Variants in NEBL observed in about 807,000 individuals in gnomAD.
NEBL encodes LIM and SH3 protein 2.
Under a neutral mutation model 140.2 loss-of-function variants are expected in NEBL, and 122 were observed. The observed-to-expected ratio is 0.87, with a 90% CI of 0.75 to 1.01. NEBL has a LOEUF of 1.01. NEBL is among the 50% of genes least tolerant of loss of function. NEBL has a pLI of 0.00. For synonymous variants in NEBL, 436 were observed against 398.9 expected (o/e 1.09, Z -1.11); for missense variants, 1,365 against 1,231.3 (o/e 1.11, Z -1.62).
chr10:21,083,397 C>T (rs1209096466), intron 2 of NEBL, among the ~76,000 whole-genome samples: 6 of 152,186 alleles, frequency 3.9e-5, no homozygotes, highest in African/African-American at 1.4e-4. Context: ...CAGCACCCCA[C>T]CTCCTTGTAG....
chr10:21,118,958 T>C (rs1227964461), intron 2 of NEBL, among the ~76,000 whole-genome samples: 7 of 152,308 alleles, frequency 4.6e-5, no homozygotes, highest in Non-Finnish European at 8.8e-5. Flanking sequence ...CATACACATC[T>C]TCTCAATCAT....
intron 4 of NEBL, among the ~76,000 whole-genome samples, chr10:20,942,503 G>C (rs561527844): frequency 1.2e-4 from 19 of 152,128 alleles, no homozygotes; most frequent in East Asian, 7.7e-4. Flanking sequence ...AAAACCTAGG[G>C]AATACCATTC....
intron 2 of NEBL, among the ~76,000 whole-genome samples, chr10:21,249,922 G>C (rs1231072382): frequency 3.9e-5 from 6 of 151,952 alleles, no homozygotes; most frequent in African/African-American, 1.2e-4. Flanking sequence ...AAATTGACTG[G>C]GTGTGGTGGT....
chr10:21,128,977 C>A (rs1401596579), intron 2 of NEBL, among the ~76,000 whole-genome samples: 1 of 152,188 alleles, frequency 6.6e-6, no homozygotes, highest in African/African-American at 2.4e-5. Context: ...GAAACAATGA[C>A]AGGTGCACAA....
chr10:20,931,395 T>A (rs1232256704), intron 4 of NEBL, among the ~76,000 whole-genome samples: 1 of 152,168 alleles, frequency 6.6e-6, no homozygotes, highest in African/African-American at 2.4e-5. Flanking sequence ...ATAAATACGT[T>A]TATAAATTAA....
At chr10:21,265,009 A>G (rs1427342117) in intron 1 of NEBL, among the ~76,000 whole-genome samples, 2 of 151,852 alleles carry the variant, frequency 1.3e-5, no homozygotes, top group South Asian at 4.2e-4. Context: ...TGCAACCTCT[A>G]CCTCCTGGGT....
intron 2 of NEBL, among the ~76,000 whole-genome samples, chr10:21,089,518 T>G (rs1836808771): frequency 6.6e-6 from 1 of 151,780 alleles, no homozygotes; most frequent in South Asian, 2.1e-4. Context: ...CGGGTGAGTG[T>G]GGCAAGAGGG....
chr10:21,064,609 AGTG>A (rs1195257808), intron 2 of NEBL, among the ~76,000 whole-genome samples: 1 of 152,226 alleles, frequency 6.6e-6, no homozygotes, highest in African/African-American at 2.4e-5. Flanking sequence ...TCCTTTATTA[AGTG>A]TTGTTGGTGT....
chr10:21,003,971 A>G (rs1001992952), intron 3 of NEBL, among the ~76,000 whole-genome samples: 6 of 152,268 alleles, frequency 3.9e-5, no homozygotes, highest in African/African-American at 1.4e-4. Flanking sequence ...TCAAGAATCC[A>G]TGAATGTATC....
chr10:21,262,811 A>C (rs1170671954), intron 1 of NEBL, among the ~76,000 whole-genome samples: 1 of 152,168 alleles, frequency 6.6e-6, no homozygotes, highest in Non-Finnish European at 1.5e-5. Flanking sequence ...TGGTGGGTGT[A>C]GTGGTTTTCC....
At chr10:20,865,082 A>G (rs1844134558) in intron 7 of NEBL, among the ~76,000 whole-genome samples, 1 of 152,200 alleles carries the variant, frequency 6.6e-6, no homozygotes, top group African/African-American at 2.4e-5. Context: ...TTGAAATGTG[A>G]AAATAAAGCT....
At chr10:21,259,190 C>T (rs1588572261) in intron 1 of NEBL, among the ~76,000 whole-genome samples, 2 of 151,826 alleles carry the variant, frequency 1.3e-5, no homozygotes, top group South Asian at 2.1e-4. Context: ...TAGGTTCAAG[C>T]GATTCTTGTG....
intron 2 of NEBL, among the ~76,000 whole-genome samples, chr10:21,163,467 T>C (rs945314198): frequency 6.6e-6 from 1 of 152,218 alleles, no homozygotes; most frequent in Non-Finnish European, 1.5e-5. Flanking sequence ...TCCCACGCAT[T>C]GCCTGAATTT....
rs149123879 is a variant in NEBL at position 21,285,954 on chromosome 10, C to T, written n.182+6876G>A. Among the ~76,000 whole-genome samples, 588 of 152,276 alleles carry T rather than the reference C, an allele frequency of 3.9e-3. 3 individuals carry two copies. Among genetic ancestry groups the T allele is most frequent in the Middle Eastern group, 0.02 (6 of 294 alleles). ...TCCAGGGTCTTAATTTTGAACTTCT[C>T]GCCCTGACCCATTCCTCAGGCCACA... On this transcript the variant is annotated intron_variant and non_coding_transcript_variant, in intron 1 of 8. Transcript: ENST00000675702.
At chr10:21,067,740 G>C (rs1199075401) in intron 2 of NEBL, among the ~76,000 whole-genome samples, 1 of 152,104 alleles carries the variant, frequency 6.6e-6, no homozygotes, top group African/African-American at 2.4e-5. Context: ...ACTTTGGGAG[G>C]CTGAGGCAGG....
At chr10:21,237,033 C>T (rs1198888884) in intron 3 of NEBL, among the ~76,000 whole-genome samples, 1 of 152,180 alleles carries the variant, frequency 6.6e-6, no homozygotes, top group Non-Finnish European at 1.5e-5. Context: ...GACACCTAAG[C>T]CCAAATGCTT....
chr10:21,046,455 A>G (rs1464859843), intron 2 of NEBL, among the ~76,000 whole-genome samples: 1 of 152,254 alleles, frequency 6.6e-6, no homozygotes, highest in Non-Finnish European at 1.5e-5. Flanking sequence ...ACATCATGCT[A>G]GACACCATAA....
rs57176129 is a variant in NEBL at position 21,044,397 on chromosome 10, T to TAAAAAAAAAA, written c.165-24206_165-24197dup. ...GGGTGACTGGGTGACAGAGTAAGAATAAAAAAAAAAAAAAAAAAAAAAAAA... is the reference window on the plus strand; with the variant it reads ...GGGTGACTGGGTGACAGAGTAAGAATAAAAAAAAAAAAAAAAAAAAAAAAAAAAAAAAAAA... On this transcript the variant is annotated intron_variant, in intron 2 of 6. Coordinates refer to the NEBL transcript ENST00000417816. Among the ~76,000 whole-genome samples, 54 of 34,862 alleles carry TAAAAAAAAAA rather than the reference T, an allele frequency of 1.5e-3. 12 individuals are homozygous for TAAAAAAAAAA. Among genetic ancestry groups the TAAAAAAAAAA allele is most frequent in the Non-Finnish European group, 1.8e-3 (40 of 22,174 alleles). 22.9% of individuals were successfully genotyped at this position (34,862 alleles called of 152,430 possible).
chr10:20,923,666 C>CAAAAAAATAAAAAAAAAAAA (rs1833714376), intron 4 of NEBL, among the ~76,000 whole-genome samples: 1 of 28,362 alleles, frequency 3.5e-5, no homozygotes, highest in African/African-American at 1.2e-4. Flanking sequence ...GACTCCGTCT[C>CAAAAAAATAAAAAAAAAAAA]AAAAAAAAAA....
Sources: allele counts gnomAD v4.1 joint callset (sites outside exome capture counted in the v4.1 genomes callset), GRCh38; gene constraint gnomAD v4.1.1; transcripts MANE v1.5; gene names NCBI Gene and HGNC (gene_info 2026-07-23, HGNC 2026-07-21).